Variants in RBM42 observed in about 807,000 individuals in gnomAD.
The protein encoded by RBM42 is RNA binding motif protein 42.
A neutral mutation model predicts 41.4 loss-of-function variants in RBM42; 21 were observed. The ratio of observed to expected loss-of-function variants is 0.51; its 90% CI spans 0.36 to 0.73. RBM42 has a LOEUF of 0.73. Ranked by LOEUF, RBM42 falls within the 30% of genes least tolerant of loss-of-function variation. The pLI is 0.00. For missense variants in RBM42, 539 were observed against 680.4 expected, an observed-to-expected ratio of 0.79 and a Z score of 2.31; for synonymous variants, 272 against 271.2, an observed-to-expected ratio of 1.00 and a Z score of -0.03.
rs1199309079 is a variant in RBM42, at chr19:35,632,943, C to T, written c.450C>T (p.Ala150=). Residue 150 remains alanine, a synonymous_variant, in exon 5 of 10, where the codon GCC becomes GCT. Coordinates refer to ENST00000262633, the MANE Select transcript of RBM42 (RefSeq NM_024321.5). ...CATCTCTCTCTCCCACAGCTGTGGC[C>T]CCCCAGAGGGCCCCTATCCTGCGTC... The part of the protein sequence containing the change: ...EAMFLRRAAV[A]PQRAPILRPA... 5.8e-6 allele frequency: 9 copies of T among 1,555,932 alleles called. No homozygotes were observed. Among genetic ancestry groups the T allele is most frequent in the Admixed American group, 1.7e-5 (1 of 58,780 alleles).
intron 2 of RBM42, 41 bp from the exon 3 acceptor site, chr19:35,631,099 A>T: frequency 1.3e-6 from 2 of 1,564,718 alleles, no homozygotes; most frequent in East Asian, 2.2e-5. Flanking sequence ...GCAGATGGGA[A>T]TGCTGAGTCA....
At chr19:35,634,567 C>T (rs1021013064) in intron 8 of RBM42, among the ~76,000 whole-genome samples, 194 bp downstream of exon 8, 6 of 151,844 alleles carry the variant, frequency 4.0e-5, no homozygotes, top group South Asian at 2.1e-4. Flanking sequence ...GTGGAGGTGA[C>T]GGGGACATGG....
chr19:35,632,860 C>CA, intron 4 of RBM42, 76 bp from the exon 5 acceptor site: 1 of 754,026 alleles, frequency 1.3e-6, no homozygotes, highest in Non-Finnish European at 2.4e-6. Context: ...CACACACACA[C>CA]ACGCATGCAC....
At chr19:35,634,131 G>A in intron 7 of RBM42, 112 bp downstream of exon 7, 1 of 1,529,408 alleles carries the variant, frequency 6.5e-7, no homozygotes, top group South Asian at 1.3e-5. Context: ...GAGGGAGGCG[G>A]ACACATGTGC....
At chr19:35,631,589 A>G in intron 4 of RBM42, 184 bp downstream of exon 4, 2 of 617,184 alleles carry the variant, frequency 3.2e-6, no homozygotes, top group East Asian at 2.8e-5. Context: ...TAACCTGATC[A>G]TTGCAAACCA....
At chr19:35,634,189 C>G in intron 7 of RBM42, 67 bp from the exon 8 acceptor site, 1 of 1,577,364 alleles carries the variant, frequency 6.3e-7, no homozygotes, top group South Asian at 1.1e-5. Context: ...GCAGGAGGGC[C>G]GGGGACCAAA....
chr19:35,636,702 C>T (rs576343779), intron 8 of RBM42, among the ~76,000 whole-genome samples: 14 of 152,254 alleles, frequency 9.2e-5, no homozygotes, highest in Admixed American at 8.5e-4. Flanking sequence ...GGTGCCATGA[C>T]GGGCAGCCAG....
intron 8 of RBM42, among the ~76,000 whole-genome samples, chr19:35,636,897 G>A (rs114510812): frequency 0.038 from 5,732 of 152,040 alleles, 139 homozygotes; most frequent in African/African-American, 0.074. Context: ...TAGCTCTGCC[G>A]CTTCCTGCTT....
chr19:35,630,182 C>A (rs184805139), intron 2 of RBM42, among the ~76,000 whole-genome samples: 1 of 152,072 alleles, frequency 6.6e-6, no homozygotes, highest in East Asian at 1.9e-4. Flanking sequence ...GGTGTGGTGG[C>A]ACGTGCCTGT....
At chr19:35,635,314 C>CAA (rs80100096) in intron 8 of RBM42, among the ~76,000 whole-genome samples, 6 of 71,692 alleles carry the variant, frequency 8.4e-5, no homozygotes, top group African/African-American at 2.7e-4. Context: ...GACTCCATCT[C>CAA]AAAAAAAAAA....
Position 35,637,458 on chromosome 19 carries a change from G to T in RBM42, c.1347G>T (p.Ser449=), listed in dbSNP as rs764679116. 2 of 1,614,226 alleles carry T rather than the reference G, an allele frequency of 1.2e-6. No individual in the cohort carries two copies. The highest frequency in any genetic ancestry group is 1.7e-6 in the Non-Finnish European group (2 of 1,180,030). The change falls in exon 10 of 10, where the codon TCG becomes TCT. Residue 449 remains serine (S), a synonymous_variant. Coordinates refer to ENST00000262633, the MANE Select transcript of RBM42 (RefSeq NM_024321.5). This position sits in a 1 kb window ranked among gnomAD's most constrained non-coding sequence, Gnocchi z 7.0. ...TCTCCACAGGGAAGTATGTGGGCTC[G>T]CGCCCCATCAAGCTTCGCAAGAGCA... The part of the protein sequence containing the change: ...MREMNGKYVG[S]RPIKLRKSMW...
Position 35,632,936 on chromosome 19 carries a change from C to T in RBM42, c.443C>T (p.Ala148Val). Reference sequence around the variant, plus strand: ...ACACCCCCATCTCTCTCTCCCACAGCTGTGGCCCCCCAGAGGGCCCCTATC... The same window carrying T: ...ACACCCCCATCTCTCTCTCCCACAGTTGTGGCCCCCCAGAGGGCCCCTATC... ...AREAMFLRRA[A>V]VAPQRAPILR... Residue 148 changes from alanine (A) to valine (V), a missense_variant and splice_region_variant, in exon 5 of 10, where the codon GCT becomes GTT. This residue lies in a region of RBM42 where 429 missense variants were observed against 488.9 expected (regional missense o/e 0.88). Transcript: ENST00000262633. 1 of 1,511,856 alleles carries T rather than the reference C, an allele frequency of 6.6e-7. No homozygotes were observed. The highest frequency in any genetic ancestry group is 9.2e-7 in the Non-Finnish European group (1 of 1,088,318). The allele number at this position is 1,511,856 out of a possible 1,614,324, so 93.7% of individuals were successfully genotyped here.
intron 2 of RBM42, 136 bp from the exon 3 acceptor site, chr19:35,631,004 G>T: frequency 1.3e-6 from 1 of 744,158 alleles, no homozygotes; most frequent in Non-Finnish European, 2.3e-6. Context: ...CCGAGAAGTG[G>T]CATTTTAGCT....
rs527907137 is a variant in RBM42 at position 35,629,707 on chromosome 19, C to T, written c.282+34C>T. Reference sequence around the variant, plus strand: ...GAGCTAAGGCATGTAAGTCAGGGAACACAATGCCTCGAACAGAGTAGGTGT... The same window carrying T: ...GAGCTAAGGCATGTAAGTCAGGGAATACAATGCCTCGAACAGAGTAGGTGT... On this transcript the variant is annotated intron_variant, in intron 2 of 9. Coordinates refer to ENST00000262633, the MANE Select transcript of RBM42 (RefSeq NM_024321.5). 159 of 1,610,456 alleles carry T rather than the reference C, an allele frequency of 9.9e-5. 1 individual carries two copies. In the South Asian group the frequency reaches 1.4e-3, roughly 15 times the overall value.
rs752084780 is a variant in RBM42 at position 35,632,914 on chromosome 19, C to CAT, written c.443-22_443-21insAT. 12 of 1,139,654 alleles carry CAT rather than the reference C, an allele frequency of 1.1e-5. No homozygotes were observed. The African/African-American group carries it at 1.8e-4, about 17-fold the overall frequency. 70.6% of individuals were successfully genotyped at this position (1,139,654 alleles called of 1,614,324 possible). ...GTGCCCCTGTCCCCCATGACACACA[C>CAT]CCCCATCTCTCTCTCCCACAGCTGT... On this transcript the variant is annotated intron_variant, in intron 4 of 9. Coordinates refer to ENST00000262633, the MANE Select transcript of RBM42 (RefSeq NM_024321.5).
At position 35,629,289 on chromosome 19, in the gene RBM42, C is replaced by A; in HGVS notation, c.128+8C>A. ...GGAGGCGGAGATGGCCCTGTAAGGC[C>A]CGCGACAGAGAGTGATAAAAGTCGT... On this transcript the variant is annotated splice_region_variant and intron_variant, in intron 1 of 9. Transcript: ENST00000262633. 6.6e-7 allele frequency: 1 copy of A among 1,519,846 alleles called. No homozygotes were observed. The highest frequency in any genetic ancestry group is 2.5e-5 in the East Asian group (1 of 40,512). 94.1% of individuals were successfully genotyped at this position (1,519,846 alleles called of 1,614,324 possible).
At chr19:35,632,504 GTC>G (rs1409863078) in intron 4 of RBM42, among the ~76,000 whole-genome samples, 10 of 152,196 alleles carry the variant, frequency 6.6e-5, no homozygotes, top group African/African-American at 2.4e-4. Flanking sequence ...TGCCCCTTGG[GTC>G]TCAGCTCACA....
intron 8 of RBM42, among the ~76,000 whole-genome samples, chr19:35,636,587 C>T (rs1199515260): frequency 1.3e-5 from 2 of 152,186 alleles, no homozygotes; most frequent in Non-Finnish European, 2.9e-5. Context: ...CAGCTGGGTG[C>T]AGCCATGGCG....
Position 35,634,082 on chromosome 19 carries a change from C to G in RBM42, c.1017+63C>G, listed in dbSNP as rs143882583. The stretch of plus-strand genomic sequence containing the variant: ...CGGGGGGCAGACAGGAGCCCAGGAA[C>G]TTCCACACAGACAGACCGGACAGCA... On this transcript the variant is annotated intron_variant, in intron 7 of 9. Coordinates refer to ENST00000262633, the MANE Select transcript of RBM42 (RefSeq NM_024321.5). 9.1e-5 allele frequency: 135 copies of G among 1,480,550 alleles called. No homozygotes were observed. In the East Asian group the frequency reaches 2.9e-3, roughly 31 times the overall value. 91.7% of individuals were successfully genotyped at this position (1,480,550 alleles called of 1,614,324 possible).
Sources: allele counts gnomAD v4.1 joint callset (sites outside exome capture counted in the v4.1 genomes callset), GRCh38; gene constraint gnomAD v4.1.1; regional missense constraint gnomAD v4.1.1; non-coding constraint Gnocchi (gnomAD v3.1); transcripts MANE v1.5; gene names NCBI Gene and HGNC (gene_info 2026-07-23, HGNC 2026-07-21).